Variants in DIAPH2 observed in about 807,000 individuals in gnomAD.
DIAPH2 encodes protein diaphanous homolog 2.
A neutral mutation model predicts 92.7 loss-of-function variants in DIAPH2; 35 were observed. That is an observed-to-expected ratio of 0.38 (90% CI 0.29 to 0.50). DIAPH2 has a LOEUF of 0.50. Ranked by LOEUF, DIAPH2 falls within the 20% of genes least tolerant of loss-of-function variation. The pLI, the probability that DIAPH2 is intolerant of heterozygous loss-of-function variation, is 0.94. For synonymous variants in DIAPH2, 301 were observed against 280.4 expected (o/e 1.07, Z -0.73); for missense variants, 701 against 819.5 (o/e 0.86, Z 1.77).
intron 22 of DIAPH2, among the ~76,000 whole-genome samples, chrX:97,205,550 A>G (rs761921401): frequency 8.9e-6 from 1 of 112,364 alleles, no homozygotes; most frequent in East Asian, 2.8e-4. Flanking sequence ...CAACAGATAC[A>G]TGAAATAAAG....
At chrX:96,841,963 T>C (rs1055808621) in intron 4 of DIAPH2, among the ~76,000 whole-genome samples, 3 of 111,130 alleles carry the variant, frequency 2.7e-5, no homozygotes, top group Non-Finnish European at 5.7e-5. Context: ...CACAAGGTGC[T>C]CAGTGGGGGA....
At chrX:97,332,965 C>T (rs1447534262) in intron 23 of DIAPH2, among the ~76,000 whole-genome samples, 2 of 112,122 alleles carry the variant, frequency 1.8e-5, no homozygotes, top group Non-Finnish European at 3.8e-5. Context: ...ACACTGAGTA[C>T]AGTTTTTGTT....
intron 1 of DIAPH2, among the ~76,000 whole-genome samples, chrX:96,715,036 A>G (rs976455953): frequency 8.9e-6 from 1 of 112,269 alleles, no homozygotes; most frequent in Non-Finnish European, 1.9e-5. Flanking sequence ...AACATTAGGT[A>G]ACTTTTTAAA....
At chrX:96,773,246 C>T (rs1441671565) in intron 4 of DIAPH2, among the ~76,000 whole-genome samples, 3 of 83,132 alleles carry the variant, frequency 3.6e-5, no homozygotes, top group East Asian at 4.3e-4. Context: ...TTCCCCCCCC[C>T]TCCCGCCCTC....
intron 3 of DIAPH2, among the ~76,000 whole-genome samples, chrX:96,748,507 G>A (rs1009900208): frequency 3.6e-5 from 4 of 111,627 alleles, no homozygotes; most frequent in Non-Finnish European, 7.5e-5. Flanking sequence ...TTATTTTTTG[G>A]CATAAATGTT....
chrX:96,751,058 C>G (rs12156695), intron 3 of DIAPH2, among the ~76,000 whole-genome samples: 6,664 of 111,605 alleles, frequency 0.06, 209 homozygotes, highest in Middle Eastern at 0.16. Context: ...AGAAAAATGA[C>G]GAATGACTGA....
chrX:96,964,946 A>G (rs1359055386), intron 16 of DIAPH2, 147 bp from the exon 17 acceptor site: 9 of 479,307 alleles, frequency 1.9e-5, no homozygotes, highest in South Asian at 5.3e-5. Context: ...TATTTACTTT[A>G]TAAGTATTAT....
At chrX:96,863,632 T>A (rs2065086005) in intron 4 of DIAPH2, among the ~76,000 whole-genome samples, 1 of 111,234 alleles carries the variant, frequency 9.0e-6, no homozygotes, top group Admixed American at 9.6e-5. Flanking sequence ...TTGAATTTTT[T>A]ACCTAGTTGA....
At chrX:97,019,649 T>C (rs918752937) in intron 17 of DIAPH2, among the ~76,000 whole-genome samples, 1 of 111,214 alleles carries the variant, frequency 9.0e-6, no homozygotes, top group East Asian at 2.8e-4. Context: ...ATATATATTC[T>C]AAGAGTTCAA....
At chrX:97,595,529 C>T (rs1395430791) in intron 26 of DIAPH2, among the ~76,000 whole-genome samples, 1 of 112,004 alleles carries the variant, frequency 8.9e-6, no homozygotes, top group Non-Finnish European at 1.9e-5. Flanking sequence ...TTTGTTTTGG[C>T]CACGCTTTCT....
chrX:97,102,178 TTG>T (rs2066910268), intron 20 of DIAPH2, among the ~76,000 whole-genome samples: 6 of 112,164 alleles, frequency 5.3e-5, no homozygotes, highest in African/African-American at 1.9e-4. Flanking sequence ...TGGTATCTTT[TTG>T]ACATTTTAGC....
rs757257069 is a variant in DIAPH2 at position 96,738,716 on chromosome X, T to G, written c.296T>G (p.Leu99Trp). Residue 99 changes from leucine to tryptophan, a missense_variant, in exon 3 of 27, where the codon TTG (leucine) becomes TGG (tryptophan). Coordinates refer to ENST00000324765, the MANE Select transcript of DIAPH2 (RefSeq NM_006729.5). Reference protein sequence around the residue: ...AAQPLYDERSLNLSEKEVLDL... With the variant: ...AAQPLYDERSWNLSEKEVLDL... The stretch of plus-strand genomic sequence containing the variant: ...CAGCCATTATATGATGAACGATCTT[T>G]GAATTTGTCAGAAAAGGAAGTATTG... 8.3e-7 allele frequency: 1 copy of G among 1,208,682 alleles called. No homozygotes were observed. Among genetic ancestry groups the G allele is most frequent in the East Asian group, 3.0e-5 (1 of 33,792 alleles).
chrX:96,810,153 A>G (rs1181312138), intron 4 of DIAPH2, among the ~76,000 whole-genome samples: 10 of 111,904 alleles, frequency 8.9e-5, no homozygotes, highest in African/African-American at 3.3e-4. Flanking sequence ...AAGTGTTCCT[A>G]TTTCTCCACA....
intron 26 of DIAPH2, among the ~76,000 whole-genome samples, chrX:97,463,785 G>A (rs1217560714): frequency 1.8e-5 from 2 of 111,317 alleles, no homozygotes; most frequent in Non-Finnish European, 3.8e-5. Flanking sequence ...GGCAAGGAGA[G>A]GTTAAGTAAC....
chrX:97,187,587 A>G (rs921440540), intron 22 of DIAPH2, among the ~76,000 whole-genome samples: 1 of 110,105 alleles, frequency 9.1e-6, no homozygotes, highest in African/African-American at 3.3e-5. Flanking sequence ...AAGTACCTAT[A>G]TTATCTTCCA....
At chrX:97,536,578 T>C (rs1351321705) in intron 26 of DIAPH2, among the ~76,000 whole-genome samples, 1 of 112,169 alleles carries the variant, frequency 8.9e-6, no homozygotes, top group African/African-American at 3.2e-5. Flanking sequence ...CTTCAAATAT[T>C]CCATGCTAGA....
intron 17 of DIAPH2, among the ~76,000 whole-genome samples, chrX:96,968,238 GAC>G (rs2065905675): frequency 9.1e-6 from 1 of 109,792 alleles, no homozygotes; most frequent in South Asian, 3.9e-4. Flanking sequence ...TTTATTTTGT[GAC>G]AGAGTTTCGC....
chrX:96,844,684 G>A (rs745460169), intron 4 of DIAPH2, among the ~76,000 whole-genome samples: 12 of 111,877 alleles, frequency 1.1e-4, no homozygotes, highest in Middle Eastern at 4.6e-3. Flanking sequence ...TGATACTTCC[G>A]TTTCATATAT....
At chrX:96,741,912 T>G (rs2064122339) in intron 3 of DIAPH2, among the ~76,000 whole-genome samples, 1 of 112,066 alleles carries the variant, frequency 8.9e-6, no homozygotes, top group Non-Finnish European at 1.9e-5. Flanking sequence ...GCCACTCCTT[T>G]TCAGTCTTCT....
Sources: gnomAD v4.1 joint callset for allele counts (sites outside exome capture counted in the v4.1 genomes callset) on GRCh38, gnomAD v4.1.1 for gene constraint, MANE v1.5 for transcripts, NCBI Gene and HGNC (gene_info 2026-07-23, HGNC 2026-07-21) for gene names.